The following PAX5 variants were observed in gnomAD, a reference collection of about 807,000 sequenced individuals.
PAX5 encodes the protein paired box 5.
PAX5 carries 9 observed loss-of-function variants against 43.7 expected under a neutral mutation model. The observed-to-expected ratio is 0.21, with a 90% confidence interval of 0.12 to 0.36. The LOEUF is 0.36. Ranked by LOEUF, PAX5 falls within the 10% of genes least tolerant of loss-of-function variation. PAX5 has a pLI of 1.00. For synonymous variants in PAX5, 228 were observed against 214.3 expected, an observed-to-expected ratio of 1.06 and a Z score of -0.56; for missense variants, 383 against 532.7, an observed-to-expected ratio of 0.72 and a Z score of 2.77.
At chr9:36,993,728 T>C (rs1564053648) in intron 5 of PAX5, among the ~76,000 whole-genome samples, 1 of 151,474 alleles carries the variant, frequency 6.6e-6, no homozygotes, top group Non-Finnish European at 1.5e-5. Flanking sequence ...CAAGGCCATT[T>C]CACCTCAAGT....
chr9:36,966,551 G>C lies in PAX5; in HGVS notation c.778C>G (p.Gln260Glu). The C allele has an allele frequency of 6.2e-7, 1 of 1,613,374 alleles. No individual in the cohort carries two copies. Among genetic ancestry groups the C allele is most frequent in the Non-Finnish European group, 8.5e-7 (1 of 1,179,444 alleles). ...TGGGCGTGCATCACGAGGCGTACCT[G>C]CTCGGGCTTGATGGGCTCTGTGGTG... is the stretch of plus-strand genomic sequence containing the variant. Reference protein sequence around the residue: ...FTTTEPIKPEQTTEYSAMASL... With the variant: ...FTTTEPIKPEETTEYSAMASL... Residue 260 changes from glutamine to glutamate, a missense_variant and splice_region_variant, in exon 6 of 10, where the codon CAG (glutamine) becomes GAG (glutamate). Physicochemically the swap from Gln to Glu is conservative, Grantham distance 29. Coordinates refer to ENST00000358127, the MANE Select transcript of PAX5 (RefSeq NM_016734.3).
intron 7 of PAX5, among the ~76,000 whole-genome samples, chr9:36,896,173 A>G (rs1370901662): frequency 6.6e-6 from 1 of 152,002 alleles, no homozygotes; most frequent in African/African-American, 2.4e-5. Context: ...ATTTTAAGAA[A>G]AAGTCAATAG....
intron 8 of PAX5, among the ~76,000 whole-genome samples, chr9:36,880,307 C>T (rs1190003019): frequency 6.6e-6 from 1 of 152,224 alleles, no homozygotes; most frequent in Admixed American, 6.5e-5. Context: ...TCCACACTCT[C>T]GACAGAGAGC....
intron 1 of PAX5, among the ~76,000 whole-genome samples, chr9:37,021,095 T>C (rs1256179316): frequency 2.0e-5 from 3 of 152,212 alleles, no homozygotes; most frequent in Non-Finnish European, 4.4e-5. Context: ...TGTGTGAAGA[T>C]CTCAATGTAA....
In PAX5 at chr9:36,993,722, G is replaced by A. The variant is rs935005799; in HGVS notation, c.604+8926C>T. Among the ~76,000 whole-genome samples the A allele has an allele frequency of 7.2e-5, 11 of 151,980 alleles. 1 individual carries two copies. The highest frequency in any genetic ancestry group is 1.6e-4 in the Non-Finnish European group (11 of 67,996). On this transcript the variant is annotated intron_variant, in intron 5 of 9. Transcript: ENST00000358127. ...GGCATGCAGGGTGGAGAAAGCCAAG[G>A]CCATTTCACCTCAAGTTCCAGACCG... is the stretch of plus-strand genomic sequence containing the variant.
rs1821695944 is a variant in PAX5, at chr9:36,837,111, C to T, written c.*3449G>A. The stretch of plus-strand genomic sequence containing the variant: ...CTAGGGAATGGGGGTGGGGGAGTGT[C>T]TTTAAGCCATACACTCCCATGACAG... On this transcript the variant is annotated 3_prime_UTR_variant, in exon 10 of 10. Transcript: ENST00000358127. 1 of 233,112 alleles carries T rather than the reference C, an allele frequency of 4.3e-6. No individual in the cohort carries two copies. The highest frequency in any genetic ancestry group is 6.0e-5 in the East Asian group (1 of 16,580). The allele number at this position is 233,112 out of a possible 1,614,324, so 14.4% of individuals were successfully genotyped here.
chr9:36,991,439 G>T (rs535072291), intron 5 of PAX5, among the ~76,000 whole-genome samples: 1 of 152,052 alleles, frequency 6.6e-6, no homozygotes, highest in Non-Finnish European at 1.5e-5. Flanking sequence ...ACTTGGCCAA[G>T]GTCACACAGC....
Position 36,913,976 on chromosome 9 carries a change from C to A in PAX5, c.910+9379G>T, listed in dbSNP as rs531230982. Among the ~76,000 whole-genome samples, 6 of 152,322 alleles carry A rather than the reference C, an allele frequency of 3.9e-5. No individual in the cohort carries two copies. In the East Asian group the frequency reaches 5.8e-4, roughly 15 times the overall value. ...TGCCGTGTGGTGAAACAGAGCCCCC[C>A]ACCCCCCAACAGCTCCTGGGGGCAT... On this transcript the variant is annotated intron_variant, in intron 7 of 9. Coordinates refer to ENST00000358127, the MANE Select transcript of PAX5 (RefSeq NM_016734.3).
At chr9:36,901,464 T>G (rs770371480) in intron 7 of PAX5, among the ~76,000 whole-genome samples, 2 of 152,140 alleles carry the variant, frequency 1.3e-5, no homozygotes, top group South Asian at 4.1e-4. Context: ...TAAAAACATT[T>G]ACTGAGCACT....
Position 36,846,825 on chromosome 9 carries a change from G to A in PAX5, c.1099+18C>T, listed in dbSNP as rs2131590764. ...GCTGATGGCCCAAGGGCCCCGCAGGGCCTCCGCCAGTACTCACCAAGCAGC... is the reference window on the plus strand; with the variant it reads ...GCTGATGGCCCAAGGGCCCCGCAGGACCTCCGCCAGTACTCACCAAGCAGC... On this transcript the variant is annotated intron_variant, in intron 9 of 9. Coordinates refer to ENST00000358127, the MANE Select transcript of PAX5 (RefSeq NM_016734.3). 6.2e-7 allele frequency: 1 copy of A among 1,601,186 alleles called. No individual in the cohort carries two copies.
Position 37,034,078 on chromosome 9 carries a change from T to C in PAX5, c.-47A>G, listed in dbSNP as rs771346579. 4 of 1,064,336 alleles carry C rather than the reference T, an allele frequency of 3.8e-6. 1 individual carries two copies. In the South Asian group the frequency reaches 4.5e-5, roughly 12 times the overall value. The allele number at this position is 1,064,336 out of a possible 1,614,324, so 65.9% of individuals were successfully genotyped here. On this transcript the variant is annotated 5_prime_UTR_variant, in exon 1 of 10. Coordinates refer to ENST00000358127, the MANE Select transcript of PAX5 (RefSeq NM_016734.3). Reference sequence around the variant, plus strand: ...GGAATGGACAGGGAAAAGTTTCCACTTTTTTGTGCCTTTTTTTTTCTTTTT... The same window carrying C: ...GGAATGGACAGGGAAAAGTTTCCACCTTTTTGTGCCTTTTTTTTTCTTTTT...
chr9:36,872,042 A>G (rs149298030), intron 8 of PAX5, among the ~76,000 whole-genome samples: 1 of 152,244 alleles, frequency 6.6e-6, no homozygotes, highest in African/African-American at 2.4e-5. Context: ...GGTGATCTTT[A>G]CTACCTCTCT....
intron 3 of PAX5, among the ~76,000 whole-genome samples, chr9:37,011,456 A>ACTC (rs1838924521): frequency 6.6e-6 from 1 of 152,032 alleles, no homozygotes; most frequent in East Asian, 1.9e-4. Context: ...TGCCACTTGT[A>ACTC]CTCCCCACCC....
rs564013593 is a variant in PAX5 at position 37,020,741 on chromosome 9, A to G, written c.107T>C (p.Val36Ala). The G allele has an allele frequency of 1.9e-6, 3 of 1,614,156 alleles. No homozygotes were observed. The highest frequency in any genetic ancestry group is 1.7e-5 in the Admixed American group (1 of 60,012). Residue 36 changes from valine to alanine, a missense_variant, in exon 2 of 10, where the codon GTA (valine) becomes GCA (alanine). Val to Ala is a moderately conservative substitution (Grantham distance 64, BLOSUM62 0). This residue lies in a region of PAX5 where 54 missense variants were observed against 68.6 expected (regional missense o/e 0.79). Coordinates refer to ENST00000358127, the MANE Select transcript of PAX5 (RefSeq NM_016734.3). ...VFVNGRPLPD[V>A]VRQRIVELAH... ...AAGTTCCACTATCCTCTGGCGGACTACATCCGGGAGTGGCCGTCCATTCAC... is the reference window on the plus strand; with the variant it reads ...AAGTTCCACTATCCTCTGGCGGACTGCATCCGGGAGTGGCCGTCCATTCAC...
chr9:36,873,414 A>T (rs1351530327), intron 8 of PAX5, among the ~76,000 whole-genome samples: 2 of 152,180 alleles, frequency 1.3e-5, no homozygotes, highest in Admixed American at 6.5e-5. Flanking sequence ...TGTGTCTAGG[A>T]TTCCCCAGGG....
chr9:36,995,474 G>C (rs887415725), intron 5 of PAX5, among the ~76,000 whole-genome samples: 5 of 152,236 alleles, frequency 3.3e-5, no homozygotes, highest in Admixed American at 1.3e-4. Context: ...AGTGCGGGGG[G>C]ACGTGTGGGC....
intron 7 of PAX5, among the ~76,000 whole-genome samples, chr9:36,913,981 C>T (rs1467766767): frequency 6.6e-6 from 1 of 152,200 alleles, no homozygotes; most frequent in Non-Finnish European, 1.5e-5. Flanking sequence ...CCCCCCACCC[C>T]CCAACAGCTC....
At chr9:36,990,655 G>C (rs917173441) in intron 5 of PAX5, among the ~76,000 whole-genome samples, 1 of 152,250 alleles carries the variant, frequency 6.6e-6, no homozygotes, top group Non-Finnish European at 1.5e-5. Context: ...GTAGCAATGG[G>C]GATGGAGAGA....
chr9:36,916,074 C>T (rs1829710431), intron 7 of PAX5, among the ~76,000 whole-genome samples: 2 of 151,754 alleles, frequency 1.3e-5, no homozygotes, highest in South Asian at 2.1e-4. Flanking sequence ...AAAAAAAATC[C>T]CTTGAGGTTT....
Sources: allele counts gnomAD v4.1 joint callset (sites outside exome capture counted in the v4.1 genomes callset), GRCh38; gene constraint gnomAD v4.1.1; regional missense constraint gnomAD v4.1.1; transcripts MANE v1.5; gene names NCBI Gene and HGNC (gene_info 2026-07-23, HGNC 2026-07-21).